The following PHF2 variants were observed in gnomAD, a reference collection of about 807,000 sequenced individuals.
PHF2 encodes the protein lysine-specific demethylase PHF2.
A neutral mutation model predicts 120.5 loss-of-function variants in PHF2; 27 were observed. The observed-to-expected ratio is 0.22, with a 90% CI of 0.17 to 0.31. The LOEUF (loss-of-function observed/expected upper bound fraction) is 0.31, where lower values mean the gene tolerates loss of function less well. Among genes scored for constraint, PHF2 ranks in the 10% least tolerant of loss-of-function variants. The probability of loss-of-function intolerance (pLI) is 1.00; values close to 1 mark genes in which losing one functional copy is unlikely to be tolerated. For missense variants in PHF2, 1,024 were observed against 1,434.8 expected, an observed-to-expected ratio of 0.71 and a Z score of 4.63; for synonymous variants, 568 against 592.5, an observed-to-expected ratio of 0.96 and a Z score of 0.60.
chr9:93,649,127 A>C lies in PHF2; in HGVS notation c.517A>C (p.Lys173Gln). Residue 173 changes from lysine to glutamine, a missense_variant, in exon 5 of 22, where the codon AAG becomes CAG. Coordinates refer to ENST00000359246, the MANE Select transcript of PHF2 (RefSeq NM_005392.4). Reference sequence around the variant, plus strand: ...CACCAAGCAGAAGGACTGCAAGATGAAGCTGAAGGAGTTTGTGGACTATTA... The same window carrying C: ...CACCAAGCAGAAGGACTGCAAGATGCAGCTGAAGGAGTTTGTGGACTATTA... The part of the protein sequence containing the change: ...DVTKQKDCKM[K>Q]LKEFVDYYYS... 6.4e-7 allele frequency: 1 copy of C among 1,551,248 alleles called. No homozygotes were observed. Among genetic ancestry groups the C allele is most frequent in the Non-Finnish European group, 8.7e-7 (1 of 1,146,902 alleles).
Position 93,629,674 on chromosome 9 carries a change from T to C in PHF2, c.99-296T>C, listed in dbSNP as rs1029456613. ...TCCCTGCCCCCTGGGTGACGGGGCA[T>C]TGGTGACCCTCACCCAGGCAGGCTT... On this transcript the variant is annotated intron_variant, in intron 1 of 21. Transcript: ENST00000359246. Among the ~76,000 whole-genome samples, 83 of 152,188 alleles carry C rather than the reference T, an allele frequency of 5.5e-4. 2 individuals are homozygous for C. Among genetic ancestry groups the C allele is most frequent in the Non-Finnish European group, 1.3e-4 (9 of 68,036 alleles).
intron 18 of PHF2, among the ~76,000 whole-genome samples, chr9:93,674,384 T>G (rs1470834667): frequency 6.6e-6 from 1 of 152,018 alleles, no homozygotes; most frequent in African/African-American, 2.4e-5. Context: ...GAGCCCACCC[T>G]CCATGGACGT....
At position 93,676,740 on chromosome 9, in the gene PHF2, G is replaced by A. The variant is rs140950795; in HGVS notation, c.2979G>A (p.Pro993=). Residue 993 remains proline, a synonymous_variant, in exon 21 of 22, where the codon CCG becomes CCA. Transcript: ENST00000359246. The part of the protein sequence containing the change: ...PASTTPASTT[P]ASTSTASSQA... ...CTACCACCCCGGCCTCCACCACCCC[G>A]GCCTCCACCAGCACGGCCAGCAGCC... 4.5e-5 allele frequency: 70 copies of A among 1,555,818 alleles called. No homozygotes were observed. The highest frequency in any genetic ancestry group is 1.7e-4 in the Middle Eastern group (1 of 5,830).
intron 4 of PHF2, 43 bp downstream of exon 4, chr9:93,645,832 G>C (rs1479935232): frequency 2.0e-6 from 3 of 1,527,962 alleles, no homozygotes; most frequent in Admixed American, 3.9e-5. Context: ...CTGGAGCTGG[G>C]AGTGCTGGGA....
intron 1 of PHF2, among the ~76,000 whole-genome samples, chr9:93,606,704 T>C (rs1397345710): frequency 6.6e-6 from 1 of 152,246 alleles, no homozygotes. Context: ...TTAATTTTAA[T>C]GAAGTCCAAC....
At chr9:93,644,875 C>T (rs1826228133) in intron 3 of PHF2, among the ~76,000 whole-genome samples, 1 of 152,190 alleles carries the variant, frequency 6.6e-6, no homozygotes, top group South Asian at 2.1e-4. Flanking sequence ...TTCCCCTTTG[C>T]CTGTGGGCCC....
chr9:93,588,840 G>C (rs1031520234), intron 1 of PHF2, among the ~76,000 whole-genome samples: 1 of 152,150 alleles, frequency 6.6e-6, no homozygotes, highest in Non-Finnish European at 1.5e-5. Flanking sequence ...GCAGTGAGCC[G>C]AAACTGCGCC....
intron 1 of PHF2, among the ~76,000 whole-genome samples, chr9:93,610,684 A>G (rs1197107533): frequency 6.6e-6 from 1 of 152,118 alleles, no homozygotes; most frequent in Non-Finnish European, 1.5e-5. Context: ...GTAAAAAAAA[A>G]TTGGAAAACA....
chr9:93,595,302 T>C (rs142115708), intron 1 of PHF2, among the ~76,000 whole-genome samples: 77 of 152,352 alleles, frequency 5.1e-4, no homozygotes, highest in Non-Finnish European at 7.5e-4. Context: ...TACTTATATG[T>C]ACTTAGATAC....
chr9:93,631,920 G>A (rs956864175), intron 2 of PHF2, among the ~76,000 whole-genome samples: 1 of 152,100 alleles, frequency 6.6e-6, no homozygotes, highest in African/African-American at 2.4e-5. Flanking sequence ...CCTGGGCCAG[G>A]GGCCTCTTCT....
At chr9:93,588,714 AC>A (rs1268392821) in intron 1 of PHF2, among the ~76,000 whole-genome samples, 1 of 152,040 alleles carries the variant, frequency 6.6e-6, no homozygotes, top group Admixed American at 6.6e-5. Flanking sequence ...ACCTGGTGAA[AC>A]CCTGTCTGTA....
chr9:93,640,598 T>C (rs527862943), intron 3 of PHF2, among the ~76,000 whole-genome samples: 1 of 152,300 alleles, frequency 6.6e-6, no homozygotes, highest in East Asian at 1.9e-4. Flanking sequence ...ATTACCCATA[T>C]GTTCTTACAT....
chr9:93,651,805 AAAG>A (rs1826374313), intron 5 of PHF2, among the ~76,000 whole-genome samples: 1 of 152,206 alleles, frequency 6.6e-6, no homozygotes, highest in Non-Finnish European at 1.5e-5. Flanking sequence ...CAAGCAAGGG[AAAG>A]AAGGACGTTT....
chr9:93,653,310 A>G lies in PHF2; in HGVS notation c.734A>G (p.Tyr245Cys). Residue 245 changes from tyrosine to cysteine, a missense_variant, in exon 6 of 22, where the codon TAC (tyrosine) becomes TGC (cysteine). Physicochemically the swap from Tyr to Cys is radical, Grantham distance 194. This residue lies in a region of PHF2 where 347 missense variants were observed against 577.4 expected (regional missense o/e 0.60). Transcript: ENST00000359246. ...KYCLICVKDS[Y>C]TDFHIDSGGA... ...TGCCTAATCTGCGTGAAGGACAGTTACACCGACTTCCACATCGACTCTGGG... is the reference window on the plus strand; with the variant it reads ...TGCCTAATCTGCGTGAAGGACAGTTGCACCGACTTCCACATCGACTCTGGG... 1 of 1,614,048 alleles carries G rather than the reference A, an allele frequency of 6.2e-7. No individual in the cohort carries two copies.
At position 93,662,901 on chromosome 9, in the gene PHF2, T is replaced by C. The variant is rs772108588; in HGVS notation, c.1699-6T>C. 1.2e-6 allele frequency: 2 copies of C among 1,613,884 alleles called. No individual in the cohort carries two copies. The highest frequency in any genetic ancestry group is 1.1e-5 in the South Asian group (1 of 91,072). On this transcript the variant is annotated splice_region_variant and splice_polypyrimidine_tract_variant and intron_variant, in intron 12 of 21. Transcript: ENST00000359246. ...GCCTCTGGGTCACAGCAGCCCTTTTTTCTAGGCCACAAAGAGTGTCCTGAG... is the reference window on the plus strand; with the variant it reads ...GCCTCTGGGTCACAGCAGCCCTTTTCTCTAGGCCACAAAGAGTGTCCTGAG...
chr9:93,670,841 G>A (rs1202506317), intron 17 of PHF2, among the ~76,000 whole-genome samples: 1 of 152,184 alleles, frequency 6.6e-6, no homozygotes, highest in East Asian at 1.9e-4. Flanking sequence ...GGAGGATGCG[G>A]ATGCGAGACA....
chr9:93,577,409 G>T (rs1228360904), intron 1 of PHF2, among the ~76,000 whole-genome samples: 1 of 151,966 alleles, frequency 6.6e-6, no homozygotes, highest in Non-Finnish European at 1.5e-5. Context: ...GTCCGTGGGG[G>T]CTCCGGCGAG....
At position 93,634,848 on chromosome 9, in the gene PHF2, G is replaced by A. The variant is rs375375407; in HGVS notation, c.185-1563G>A. Reference sequence around the variant, plus strand: ...GCCAGCCTGTGAGTGTGTTCTGCCCGTGAACAAGCACCTACCGCACCAGGT... The same window carrying A: ...GCCAGCCTGTGAGTGTGTTCTGCCCATGAACAAGCACCTACCGCACCAGGT... On this transcript the variant is annotated intron_variant, in intron 2 of 21. Transcript: ENST00000359246. Among the ~76,000 whole-genome samples the A allele has an allele frequency of 7.2e-5, 11 of 152,180 alleles. 1 individual carries two copies. Among genetic ancestry groups the A allele is most frequent in the East Asian group, 3.9e-4 (2 of 5,168 alleles).
intron 1 of PHF2, among the ~76,000 whole-genome samples, chr9:93,617,042 A>T (rs2131634542): frequency 6.6e-6 from 1 of 152,350 alleles, no homozygotes; most frequent in South Asian, 2.1e-4. Context: ...AGAAACCAGG[A>T]ATGCAATCCG....
Sources: allele counts gnomAD v4.1 joint callset (sites outside exome capture counted in the v4.1 genomes callset), GRCh38; gene constraint gnomAD v4.1.1; regional missense constraint gnomAD v4.1.1; transcripts MANE v1.5; gene names NCBI Gene and HGNC (gene_info 2026-07-23, HGNC 2026-07-21).